The following DST variants were observed in gnomAD, a reference collection of about 807,000 sequenced individuals.
DST encodes bullous pemphigoid antigen.
A neutral mutation model predicts 875.2 loss-of-function variants in DST; 253 were observed. The observed-to-expected ratio is 0.29, with a 90% CI of 0.26 to 0.32. DST has a LOEUF of 0.32. Among genes scored for constraint, DST ranks in the 10% least tolerant of loss-of-function variants. The pLI, the probability that DST is intolerant of heterozygous loss-of-function variation, is 1.00. For synonymous variants in DST, 3,124 were observed against 3,197.1 expected (o/e 0.98, Z 0.77); for missense variants, 8,287 against 9,111.6 (o/e 0.91, Z 3.68).
chr6:56,720,437 G>A (rs563575803), intron 5 of DST, among the ~76,000 whole-genome samples: 1 of 151,630 alleles, frequency 6.6e-6, no homozygotes, highest in Admixed American at 6.6e-5. Flanking sequence ...CAATAGTGGA[G>A]AGAACGTCAG....
intron 2 of DST, among the ~76,000 whole-genome samples, chr6:56,930,263 C>A (rs1809469439): frequency 6.6e-6 from 1 of 152,218 alleles, no homozygotes; most frequent in Non-Finnish European, 1.5e-5. Context: ...TGCAGCAAAG[C>A]TATTACCTAG....
intron 1 of DST, 59 bp from the exon 2 acceptor site, chr6:56,953,878 T>A: frequency 8.2e-7 from 1 of 1,215,796 alleles, no homozygotes. Context: ...ACCTACCGAG[T>A]GACTCATGAC....
At chr6:56,833,483 A>T (rs1562082829) in intron 4 of DST, among the ~76,000 whole-genome samples, 1 of 152,226 alleles carries the variant, frequency 6.6e-6, no homozygotes, top group South Asian at 2.1e-4. Context: ...TAACTTTCAC[A>T]TGTTTTACAG....
chr6:56,583,457 C>G (rs6941901), intron 49 of DST, among the ~76,000 whole-genome samples: 2 of 151,796 alleles, frequency 1.3e-5, no homozygotes. Context: ...GTTTTTTTCC[C>G]GTAAATTTGT....
At position 56,648,597 on chromosome 6, in the gene DST, T is replaced by A; in HGVS notation, c.1527A>T (p.Thr509=). 6.3e-7 allele frequency: 1 copy of A among 1,587,374 alleles called. No homozygotes were observed. The highest frequency in any genetic ancestry group is 1.3e-5 in the African/African-American group (1 of 74,812). ...TCAGTTCTACAGGATTATTAGGAAATGTTCTCTCAGACATTGTGGTCACAT... is the reference window on the plus strand; with the variant it reads ...TCAGTTCTACAGGATTATTAGGAAAAGTTCTCTCAGACATTGTGGTCACAT... The part of the protein sequence containing the change: ...RHHVTTMSER[T]FPNNPVELKA... The change falls in exon 13 of 104, where the codon ACA becomes ACT. Residue 509 remains threonine, a synonymous_variant. Coordinates refer to ENST00000680361, the MANE Select transcript of DST (RefSeq NM_001374736.1).
chr6:56,663,351 A>G (rs1359466972), intron 10 of DST, among the ~76,000 whole-genome samples: 2 of 152,244 alleles, frequency 1.3e-5, no homozygotes, highest in Non-Finnish European at 2.9e-5. Flanking sequence ...GATTTTTTCT[A>G]CACAAGCTGA....
At chr6:56,863,540 C>A (rs1267226556) in intron 3 of DST, among the ~76,000 whole-genome samples, 1 of 152,146 alleles carries the variant, frequency 6.6e-6, no homozygotes, top group African/African-American at 2.4e-5. Context: ...CCTTAGTCAT[C>A]ATGTACACTT....
intron 36 of DST, among the ~76,000 whole-genome samples, chr6:56,623,970 G>T (rs943983423): frequency 6.6e-6 from 1 of 150,898 alleles, no homozygotes; most frequent in African/African-American, 2.4e-5. Flanking sequence ...TAAATGCCAT[G>T]TGCTATATCT....
intron 22 of DST, among the ~76,000 whole-genome samples, chr6:56,637,867 G>A (rs970841978): frequency 1.3e-5 from 2 of 151,984 alleles, no homozygotes; most frequent in Admixed American, 6.6e-5. Flanking sequence ...CAGGACTTCC[G>A]AATGGAATGT....
intron 4 of DST, among the ~76,000 whole-genome samples, chr6:56,850,874 G>A (rs1170004811): frequency 6.6e-6 from 1 of 152,244 alleles, no homozygotes; most frequent in Non-Finnish European, 1.5e-5. Context: ...AGGACAGAAA[G>A]CTGCTATGGA....
rs2097445139 is a variant in DST, at chr6:56,557,524, A to G, written c.14441-6T>C. The G allele has an allele frequency of 6.2e-7, 1 of 1,600,256 alleles. No homozygotes were observed. The highest frequency in any genetic ancestry group is 8.5e-7 in the Non-Finnish European group (1 of 1,172,114). On this transcript the variant is annotated splice_polypyrimidine_tract_variant and splice_region_variant and intron_variant, in intron 58 of 103. Transcript: ENST00000680361. ...GAGTTCTTGCCACTTAGAATCTAAA[A>G]GAAAAAAAATGAAACTGGTGTTTGA...
At position 56,620,233 on chromosome 6, in the gene DST, C is replaced by T. The variant is rs151250081; in HGVS notation, c.4929+4297G>A. ...CTTCCATTAATTTATTTTTTTGTTG[C>T]TCCAAATCATTGAGACTTAAATCTT... On this transcript the variant is annotated intron_variant, in intron 36 of 103. Transcript: ENST00000680361. 2 of 1,613,770 alleles carry T rather than the reference C, an allele frequency of 1.2e-6. No homozygotes were observed. The highest frequency in any genetic ancestry group is 2.2e-5 in the East Asian group (1 of 44,882).
In DST at chr6:56,562,146, G is replaced by A. The variant is rs758491144; in HGVS notation, c.14060C>T (p.Ala4687Val). ...GTATNTEEFW[A>V]NKGLTSIKKD... ...TTAAAATTAATACTCACCTTTATTT[G>A]CCCAAAATTCCTCAGTATTTGTGGC... The change falls in exon 56 of 104, where the codon GCA (alanine) becomes GTA (valine). Residue 4687 changes from alanine (A) to valine (V), a missense_variant. Ala to Val is a moderately conservative substitution (Grantham distance 64). Coordinates refer to ENST00000680361, the MANE Select transcript of DST (RefSeq NM_001374736.1). 1 of 1,542,828 alleles carries A rather than the reference G, an allele frequency of 6.5e-7. No individual in the cohort carries two copies. Among genetic ancestry groups the A allele is most frequent in the African/African-American group, 1.4e-5 (1 of 72,734 alleles).
At chr6:56,754,669 G>T (rs752505142) in intron 4 of DST, among the ~76,000 whole-genome samples, 35 of 151,950 alleles carry the variant, frequency 2.3e-4, no homozygotes, top group Non-Finnish European at 8.8e-5. Flanking sequence ...ATTAGAGCTG[G>T]ATTCAAACAA....
chr6:56,477,268 C>G, intron 91 of DST, 77 bp downstream of exon 91: 1 of 1,489,220 alleles, frequency 6.7e-7, no homozygotes, highest in Non-Finnish European at 9.0e-7. Flanking sequence ...ATAAGTGCAT[C>G]TTAATTCCTG....
intron 6 of DST, 98 bp from the exon 7 acceptor site, chr6:56,703,844 G>GT (rs2099321475): frequency 4.4e-6 from 1 of 229,750 alleles, no homozygotes; most frequent in Non-Finnish European, 7.0e-6. Flanking sequence ...AGGAGAACAG[G>GT]TAACAAGAAG....
chr6:56,783,805 G>C (rs1416793762), intron 4 of DST, among the ~76,000 whole-genome samples: 2 of 152,188 alleles, frequency 1.3e-5, no homozygotes, highest in Admixed American at 1.3e-4. Context: ...AGTTGATGCA[G>C]TTTCTTCCTA....
chr6:56,517,183 C>T lies in DST; in HGVS notation c.18357+15G>A, dbSNP rs773880544. 16 of 1,592,418 alleles carry T rather than the reference C, an allele frequency of 1.0e-5. No individual in the cohort carries two copies. Among genetic ancestry groups the T allele is most frequent in the Non-Finnish European group, 1.2e-5 (14 of 1,160,944 alleles). Reference sequence around the variant, plus strand: ...TTTCAAGAGTCCCACTACCAGTCCACAGACAAGATTATACCTTCATTGATT... The same window carrying T: ...TTTCAAGAGTCCCACTACCAGTCCATAGACAAGATTATACCTTCATTGATT... On this transcript the variant is annotated intron_variant, in intron 71 of 103. Transcript: ENST00000680361.
chr6:56,504,265 T>C (rs1481122857), intron 77 of DST, among the ~76,000 whole-genome samples, 167 bp from the exon 78 acceptor site: 3 of 152,132 alleles, frequency 2.0e-5, no homozygotes, highest in African/African-American at 7.2e-5. Flanking sequence ...AGCAGTAATA[T>C]ACCAAAATGG....
Sources: allele counts gnomAD v4.1 joint callset (sites outside exome capture counted in the v4.1 genomes callset), GRCh38; gene constraint gnomAD v4.1.1; transcripts MANE v1.5; gene names NCBI Gene and HGNC (gene_info 2026-07-23, HGNC 2026-07-21).